The following DHRS4 variants were observed in gnomAD, a reference collection of about 807,000 sequenced individuals.
The protein encoded by DHRS4 is dehydrogenase/reductase SDR family member 4.
A neutral mutation model predicts 28.4 loss-of-function variants in DHRS4; 20 were observed. That is an observed-to-expected ratio of 0.71 (90% confidence interval 0.50 to 1.02). The LOEUF is 1.02. DHRS4 is among the 50% of genes least tolerant of loss of function. The pLI is 0.00. For missense variants in DHRS4, 378 were observed against 367.2 expected (o/e 1.03, Z -0.24); for synonymous variants, 144 against 146.4 (o/e 0.98, Z 0.12).
In DHRS4 at chr14:23,967,266, G is replaced by T. The variant is rs572324083; in HGVS notation, c.722G>T (p.Arg241Met). 6.2e-7 allele frequency: 1 copy of T among 1,611,754 alleles called. No individual in the cohort carries two copies. The highest frequency in any genetic ancestry group is 1.1e-5 in the South Asian group (1 of 90,536). The change falls in exon 7 of 8, where the codon AGG (arginine) becomes ATG (methionine). Residue 241 changes from arginine to methionine, a missense_variant and splice_region_variant. Transcript: ENST00000313250. ...ATGAAAGAAACCCTGCGGATAAGAA[G>T]GTAAACTGTCATGAGGGCAAGGGCA... Reference protein sequence around the residue: ...ESMKETLRIRRLGEPEDCAGI... With the variant: ...ESMKETLRIRMLGEPEDCAGI...
Position 23,961,422 on chromosome 14 carries a change from T to C in DHRS4, c.408+1419T>C, listed in dbSNP as rs2033408250. On this transcript the variant is annotated intron_variant, in intron 3 of 7. Coordinates refer to ENST00000313250, the MANE Select transcript of DHRS4 (RefSeq NM_021004.4). The stretch of plus-strand genomic sequence containing the variant: ...GAACTATCATCAAAATAACTTCTCT[T>C]TCTTAAACCGTCTTTTCTTCAAAAC... 1.5e-5 allele frequency among the ~76,000 whole-genome samples: 2 copies of C among 129,474 alleles called. 1 individual carries two copies. The highest frequency in any genetic ancestry group is 4.5e-4 in the South Asian group (2 of 4,482). 84.9% of individuals were successfully genotyped at this position (129,474 alleles called of 152,430 possible).
At chr14:23,960,821 G>T (rs1481166026) in intron 3 of DHRS4, among the ~76,000 whole-genome samples, 1 of 152,120 alleles carries the variant, frequency 6.6e-6, no homozygotes, top group African/African-American at 2.4e-5. Context: ...ATAAAGAAAA[G>T]AAGTTTGTTT....
In DHRS4 at chr14:23,955,204, G is replaced by A. The variant is rs1268650327; in HGVS notation, c.298G>A (p.Val100Met). ...GAAGGCGGAGGACCGGGAGCGGCTG[G>A]TGGCCACGGTGAGCTGCAGGGAAAT... ...VGKAEDRERL[V>M]ATAVKLHGGI... Residue 100 changes from valine to methionine, a missense_variant, in exon 2 of 8, where the codon GTG (valine) becomes ATG (methionine). Physicochemically the swap from Val to Met is conservative, Grantham distance 21. Transcript: ENST00000313250. 6.2e-7 allele frequency: 1 copy of A among 1,612,864 alleles called. No individual in the cohort carries two copies. The highest frequency in any genetic ancestry group is 2.2e-5 in the East Asian group (1 of 44,874).
intron 3 of DHRS4, among the ~76,000 whole-genome samples, chr14:23,962,406 A>G (rs1220896799): frequency 6.8e-6 from 1 of 147,822 alleles, no homozygotes; most frequent in Non-Finnish European, 1.5e-5. Context: ...TGCTTACTCT[A>G]CTAAGTACCT....
Position 23,967,210 on chromosome 14 carries a change from G to C in DHRS4, c.667-1G>C. On this transcript the variant is annotated splice_acceptor_variant, in intron 6 of 7. Coordinates refer to ENST00000313250, the MANE Select transcript of DHRS4 (RefSeq NM_021004.4). LOFTEE classifies it high-confidence loss of function. ...TAAAGAGATTTCCCTTCTTCCTGCA[G>C]CTCTGGATGGACAAGGAAAAAGAGG... 1 of 1,612,320 alleles carries C rather than the reference G, an allele frequency of 6.2e-7. No homozygotes were observed. Among genetic ancestry groups the C allele is most frequent in the Non-Finnish European group, 8.5e-7 (1 of 1,179,446 alleles).
chr14:23,957,641 C>T lies in DHRS4; in HGVS notation c.307-2261C>T, dbSNP rs1209367567. On this transcript the variant is annotated intron_variant, in intron 2 of 7. Coordinates refer to ENST00000313250, the MANE Select transcript of DHRS4 (RefSeq NM_021004.4). ...ACATGATCATAGCTCACTGTAACCT[C>T]GAAGTCCTGAACTCAAGCAATCCTC... Among the ~76,000 whole-genome samples, 4 of 149,980 alleles carry T rather than the reference C, an allele frequency of 2.7e-5. No individual in the cohort carries two copies. The East Asian group carries it at 6.1e-4, about 23-fold the overall frequency.
In DHRS4 at chr14:23,953,792, C is replaced by A. The variant is rs762677465; in HGVS notation, c.4C>A (p.His2Asn). Residue 2 changes from histidine to asparagine, a missense_variant, in exon 1 of 8, where the codon CAC (histidine) becomes AAC (asparagine). Transcript: ENST00000313250. Reference protein sequence around the residue: MHKAGLLGLCAR... With the variant: MNKAGLLGLCAR... ...CCCATACTTGCTGGTCTGATCCATG[C>A]ACAAGGCGGGGCTGCTAGGCCTCTG... 1 of 1,614,038 alleles carries A rather than the reference C, an allele frequency of 6.2e-7. No individual in the cohort carries two copies. Among genetic ancestry groups the A allele is most frequent in the Non-Finnish European group, 8.5e-7 (1 of 1,179,960 alleles).
rs1249486644 is a variant in DHRS4, at chr14:23,958,804, A to C, written c.307-1098A>C. 2.0e-5 allele frequency among the ~76,000 whole-genome samples: 3 copies of C among 152,122 alleles called. 1 individual carries two copies. The highest frequency in any genetic ancestry group is 4.4e-5 in the Non-Finnish European group (3 of 68,022). The stretch of plus-strand genomic sequence containing the variant: ...GACTGACCTCAGTTCTTCCACCACT[A>C]ACTAGCTTTGTGCCCTGAAAACATC... On this transcript the variant is annotated intron_variant, in intron 2 of 7. Coordinates refer to ENST00000313250, the MANE Select transcript of DHRS4 (RefSeq NM_021004.4).
Position 23,966,055 on chromosome 14 carries a change from A to G in DHRS4, c.531+72A>G. On this transcript the variant is annotated intron_variant, in intron 5 of 7. Transcript: ENST00000313250. ...ATCTTTCCACCCCTCCTATTACCCA[A>G]GGAAGTTTGTGTCCCCTTGTAGAAT... The G allele has an allele frequency of 1.7e-5, 28 of 1,607,960 alleles. 2 individuals are homozygous for G. Among genetic ancestry groups the G allele is most frequent in the Non-Finnish European group, 2.4e-5 (28 of 1,175,682 alleles).
At chr14:23,955,891 AT>A (rs1280094355) in intron 2 of DHRS4, among the ~76,000 whole-genome samples, 1 of 152,236 alleles carries the variant, frequency 6.6e-6, no homozygotes, top group East Asian at 1.9e-4. Context: ...TGAAGCAAAT[AT>A]GAAGCATTCA....
chr14:23,962,687 CCA>C (rs2033464344), intron 3 of DHRS4, among the ~76,000 whole-genome samples: 1 of 151,426 alleles, frequency 6.6e-6, no homozygotes, highest in Non-Finnish European at 1.5e-5. Flanking sequence ...TCAACTTCTT[CCA>C]GACTCCTGTT....
At chr14:23,967,047 C>A (rs111644370) in intron 6 of DHRS4, among the ~76,000 whole-genome samples, 164 bp from the exon 7 acceptor site, 12 of 151,962 alleles carry the variant, frequency 7.9e-5, no homozygotes, top group Middle Eastern at 3.4e-3. Flanking sequence ...CCCAGCTACT[C>A]GGGAGGCTGA....
At position 23,968,759 on chromosome 14, in the gene DHRS4, T is replaced by A. The variant is rs2033739511; in HGVS notation, c.725T>A (p.Leu242Ter). The stretch of plus-strand genomic sequence containing the variant: ...TCCTTGCTTCCCTTATTCCCCAGGT[T>A]AGGCGAGCCAGAGGATTGTGCTGGC... The part of the protein sequence containing the change: ...SMKETLRIRR[L>*]GEPEDCAGIV... The change falls in exon 8 of 8, where the codon TTA (leucine) becomes TAA (stop). Residue 242 changes from leucine (L) to a stop codon, truncating the protein, a stop_gained and splice_region_variant. Transcript: ENST00000313250. LOFTEE classifies it high-confidence loss of function. 6.2e-7 allele frequency: 1 copy of A among 1,605,256 alleles called. No individual in the cohort carries two copies. The highest frequency in any genetic ancestry group is 1.3e-5 in the African/African-American group (1 of 74,482).
At position 23,965,995 on chromosome 14, in the gene DHRS4, T is replaced by G. The variant is rs1408844928; in HGVS notation, c.531+12T>G. 1 of 1,610,164 alleles carries G rather than the reference T, an allele frequency of 6.2e-7. No individual in the cohort carries two copies. Among genetic ancestry groups the G allele is most frequent in the Admixed American group, 1.7e-5 (1 of 59,894 alleles). ...TCAGTCCATCTCCTGTAAGAACCCT[T>G]TTGTCTACCTCTTCCATCCCACCCT... On this transcript the variant is annotated intron_variant, in intron 5 of 7. Coordinates refer to ENST00000313250, the MANE Select transcript of DHRS4 (RefSeq NM_021004.4).
chr14:23,966,807 T>C (rs1252556693), intron 6 of DHRS4, among the ~76,000 whole-genome samples: 3 of 152,286 alleles, frequency 2.0e-5, no homozygotes, highest in Non-Finnish European at 4.4e-5. Context: ...TCCTCTCAGT[T>C]ACCATGAGGA....
chr14:23,953,977 C>A, intron 1 of DHRS4, 61 bp downstream of exon 1: 9 of 1,544,024 alleles, frequency 5.8e-6, no homozygotes, highest in Non-Finnish European at 7.9e-6. Context: ...ACTGGCCTCT[C>A]ATCCTCGGCC....
At chr14:23,960,736 G>A (rs1205240108) in intron 3 of DHRS4, among the ~76,000 whole-genome samples, 1 of 151,976 alleles carries the variant, frequency 6.6e-6, no homozygotes, top group Non-Finnish European at 1.5e-5. Flanking sequence ...GATCTCCCAT[G>A]GTTCTGCGTT....
intron 2 of DHRS4, among the ~76,000 whole-genome samples, chr14:23,958,639 A>G (rs2033272208): frequency 6.6e-6 from 1 of 152,348 alleles, no homozygotes; most frequent in Non-Finnish European, 1.5e-5. Flanking sequence ...GGAAAATGAC[A>G]TCATAACCAA....
chr14:23,959,414 C>T (rs868196964), intron 2 of DHRS4, among the ~76,000 whole-genome samples: 3 of 152,004 alleles, frequency 2.0e-5, no homozygotes, highest in Admixed American at 6.6e-5. Flanking sequence ...AAAAATTGCC[C>T]GGGTGTGGTG....
Sources: allele counts gnomAD v4.1 joint callset (sites outside exome capture counted in the v4.1 genomes callset), GRCh38; gene constraint gnomAD v4.1.1; transcripts MANE v1.5; gene names NCBI Gene and HGNC (gene_info 2026-07-23, HGNC 2026-07-21).